Variants in KLHL29 observed in about 807,000 individuals in gnomAD.
KLHL29 encodes the protein kelch-like protein 29.
KLHL29 carries 21 observed loss-of-function variants against 80.4 expected under a neutral mutation model. The observed-to-expected ratio is 0.26, with a 90% CI of 0.19 to 0.38. KLHL29 has a LOEUF of 0.38. Ranked by LOEUF, KLHL29 falls within the 10% of genes least tolerant of loss-of-function variation. The probability of loss-of-function intolerance (pLI) is 1.00; values close to 1 mark genes in which losing one functional copy is unlikely to be tolerated. For synonymous variants in KLHL29, 511 were observed against 526.8 expected, an observed-to-expected ratio of 0.97 and a Z score of 0.41; for missense variants, 867 against 1,223.9, an observed-to-expected ratio of 0.71 and a Z score of 4.35.
chr2:23,693,230 C>T (rs979495846), intron 7 of KLHL29, 39 bp from the exon 8 acceptor site: 9 of 1,518,378 alleles, frequency 5.9e-6, no homozygotes, highest in South Asian at 3.7e-5. Flanking sequence ...AACTGCTTCC[C>T]GGGCCTTTGG....
rs1463906142 is a variant in KLHL29 at position 23,503,615 on chromosome 2, C to G, written c.-46+27948C>G. On this transcript the variant is annotated intron_variant, in intron 2 of 13. Transcript: ENST00000486442. The surrounding 1 kb of genome is among the most constrained non-coding windows in gnomAD (Gnocchi z 4.0). ...CAGCCTCGCTCATCCAGAACAGAGG[C>G]ACCATGGCCAGGAGGCCCTTCCTTT... Among the ~76,000 whole-genome samples the G allele has an allele frequency of 6.6e-6, 1 of 151,532 alleles. No individual in the cohort carries two copies. Among genetic ancestry groups the G allele is most frequent in the Non-Finnish European group, 1.5e-5 (1 of 67,954 alleles).
chr2:23,502,784 A>G lies in KLHL29; in HGVS notation c.-46+27117A>G, dbSNP rs968199001. On this transcript the variant is annotated intron_variant, in intron 2 of 13. Transcript: ENST00000486442. ...TTATGGGGGACCTGTGGGGTTCCCA[A>G]CCGCACCCTGCATCTGTCTCTCCAA... Among the ~76,000 whole-genome samples the G allele has an allele frequency of 4.6e-5, 7 of 152,226 alleles. No homozygotes were observed. In the East Asian group the frequency reaches 1.2e-3, roughly 25 times the overall value.
intron 1 of KLHL29, among the ~76,000 whole-genome samples, chr2:23,428,188 A>C (rs1276047130): frequency 1.3e-5 from 2 of 152,224 alleles, no homozygotes; most frequent in Non-Finnish European, 2.9e-5. Flanking sequence ...CCGTGTCCGC[A>C]GAAGGCCTTG....
rs1297308074 is a variant in KLHL29, at chr2:23,532,906, T to C, written c.-45-29246T>C. Among the ~76,000 whole-genome samples, 5 of 152,078 alleles carry C rather than the reference T, an allele frequency of 3.3e-5. No individual in the cohort carries two copies. In the East Asian group the frequency reaches 9.7e-4, roughly 29 times the overall value. ...GAGAAGGGAGACAGCCCCACAGCTGTGTGTGCACGTGGGCCGAGAGGAGGA... is the reference window on the plus strand; with the variant it reads ...GAGAAGGGAGACAGCCCCACAGCTGCGTGTGCACGTGGGCCGAGAGGAGGA... On this transcript the variant is annotated intron_variant, in intron 2 of 13. Coordinates refer to ENST00000486442, the MANE Select transcript of KLHL29 (RefSeq NM_052920.2).
intron 2 of KLHL29, among the ~76,000 whole-genome samples, chr2:23,559,517 G>C (rs547905272): frequency 6.6e-6 from 1 of 152,218 alleles, no homozygotes; most frequent in African/African-American, 2.4e-5. Flanking sequence ...GATGGAGAAG[G>C]GGGTAGATTT....
intron 3 of KLHL29, among the ~76,000 whole-genome samples, chr2:23,605,651 T>C (rs1444920399): frequency 1.3e-5 from 2 of 152,216 alleles, no homozygotes; most frequent in African/African-American, 2.4e-5. Flanking sequence ...ACACATATCC[T>C]AGCCTCTAGG....
At chr2:23,532,789 G>A (rs1457532885) in intron 2 of KLHL29, among the ~76,000 whole-genome samples, 1 of 152,268 alleles carries the variant, frequency 6.6e-6, no homozygotes, top group Admixed American at 6.5e-5. Flanking sequence ...GAGACTGTTC[G>A]CCACAGGCCT....
At position 23,597,401 on chromosome 2, in the gene KLHL29, ATATATATTTTTT is replaced by A. The variant is rs1301800296; in HGVS notation, c.285+34922_285+34933del. ...TGTGTGTGTATATATATATATATAT[ATATATATTTTTT>A]TTTTTTTTTTTTTTTTTTTTTTTTT... On this transcript the variant is annotated intron_variant, in intron 3 of 13. Transcript: ENST00000486442. 8.5e-4 allele frequency among the ~76,000 whole-genome samples: 47 copies of A among 55,270 alleles called. No homozygotes were observed. The East Asian group carries it at 0.013, about 15-fold the overall frequency. The allele number at this position is 55,270 out of a possible 152,430, so 36.3% of individuals were successfully genotyped here.
intron 3 of KLHL29, among the ~76,000 whole-genome samples, chr2:23,634,061 G>A (rs190779441): frequency 4.6e-4 from 70 of 152,278 alleles, no homozygotes; most frequent in African/African-American, 7.7e-4. Flanking sequence ...GCTCCCTGGT[G>A]TAGGTGTCCC....
chr2:23,499,756 G>C (rs1219649229), intron 2 of KLHL29, among the ~76,000 whole-genome samples: 1 of 152,230 alleles, frequency 6.6e-6, no homozygotes, highest in Non-Finnish European at 1.5e-5. Context: ...TCTCTCAGGA[G>C]ATGAGGGAGG....
intron 6 of KLHL29, among the ~76,000 whole-genome samples, chr2:23,686,973 C>A (rs1671289420): frequency 6.6e-6 from 1 of 152,118 alleles, no homozygotes; most frequent in East Asian, 1.9e-4. Flanking sequence ...GGCTTCCTTT[C>A]CTGCCGTGTA....
intron 2 of KLHL29, among the ~76,000 whole-genome samples, chr2:23,514,600 A>T (rs1665866923): frequency 6.6e-6 from 1 of 152,130 alleles, no homozygotes; most frequent in South Asian, 2.1e-4. Context: ...CTGTCTGCAA[A>T]TTTGAGAAGC....
chr2:23,623,211 C>G (rs1023162928), intron 3 of KLHL29, among the ~76,000 whole-genome samples: 6 of 152,158 alleles, frequency 3.9e-5, no homozygotes, highest in African/African-American at 1.4e-4. Context: ...CCCTGGGGAC[C>G]TGGCAGGTCC....
At chr2:23,501,331 AT>A (rs2103454736) in intron 2 of KLHL29, among the ~76,000 whole-genome samples, 1 of 152,098 alleles carries the variant, frequency 6.6e-6, no homozygotes, top group South Asian at 2.1e-4. Flanking sequence ...ATTGAACCTA[AT>A]TGAGATGCCC....
At chr2:23,638,919 C>T (rs1471671506) in intron 3 of KLHL29, among the ~76,000 whole-genome samples, 1 of 152,182 alleles carries the variant, frequency 6.6e-6, no homozygotes, top group African/African-American at 2.4e-5. Context: ...GAGGCAGGAG[C>T]TTAGCAGAGG....
intron 1 of KLHL29, among the ~76,000 whole-genome samples, chr2:23,464,724 C>G (rs1468667171): frequency 6.6e-6 from 1 of 152,128 alleles, no homozygotes; most frequent in Non-Finnish European, 1.5e-5. Context: ...GGGTTCTTGG[C>G]AGCACCCAGA....
At chr2:23,400,753 T>G (rs1666580900) in intron 1 of KLHL29, among the ~76,000 whole-genome samples, 1 of 152,124 alleles carries the variant, frequency 6.6e-6, no homozygotes, top group Non-Finnish European at 1.5e-5. Context: ...GGCAGAAGGA[T>G]TAACCTCCTG....
At chr2:23,524,392 TCCCGGGAGG>T in intron 2 of KLHL29, 1 of 162,676 alleles carries the variant, frequency 6.1e-6, no homozygotes, top group South Asian at 1.7e-4. Flanking sequence ...TGCCCCGGGC[TCCCGGGAGG>T]CGTCGGCAGG....
At chr2:23,644,826 G>A (rs997894276) in intron 5 of KLHL29, among the ~76,000 whole-genome samples, 14 of 152,246 alleles carry the variant, frequency 9.2e-5, no homozygotes, top group Admixed American at 4.6e-4. Context: ...TGGGCAGACC[G>A]AGGGCCAGGT....
Sources: gnomAD v4.1 joint callset for allele counts (sites outside exome capture counted in the v4.1 genomes callset) on GRCh38, gnomAD v4.1.1 for gene constraint, Gnocchi (gnomAD v3.1) non-coding constraint, MANE v1.5 for transcripts, NCBI Gene and HGNC (gene_info 2026-07-23, HGNC 2026-07-21) for gene names.